Variants in PPP1R21 observed in about 807,000 individuals in gnomAD.
The protein encoded by PPP1R21 is KLRAQ motif containing 1.
PPP1R21 carries 85 observed loss-of-function variants against 112.8 expected under a neutral mutation model. The ratio of observed to expected loss-of-function variants is 0.75; its 90% CI spans 0.63 to 0.90. The LOEUF is 0.90. Ranked by LOEUF, PPP1R21 falls within the 40% of genes least tolerant of loss-of-function variation. The probability of loss-of-function intolerance (pLI) is 0.00; values close to 1 mark genes in which losing one functional copy is unlikely to be tolerated. For missense variants in PPP1R21, 1,199 were observed against 901.5 expected (o/e 1.33, Z -4.23); for synonymous variants, 381 against 322.3 (o/e 1.18, Z -1.95).
In PPP1R21 at chr2:48,464,983, A is replaced by C. The variant is rs1005707301; in HGVS notation, c.741A>C (p.Arg247Ser). Reference protein sequence around the residue: ...NALNVPLHNRRHQLKMRDIAG... With the variant: ...NALNVPLHNRSHQLKMRDIAG... ...TGAACGTTCCACTCCACAATAGGAG[A>C]CACCAGGTAAAGGATGAAGTACATG... The change falls in exon 8 of 22, where the codon AGA becomes AGC. Residue 247 changes from arginine (R) to serine (S), a missense_variant. Arg to Ser is a moderately radical substitution (Grantham distance 110). Transcript: ENST00000294952. 1 of 1,557,736 alleles carries C rather than the reference A, an allele frequency of 6.4e-7. No individual in the cohort carries two copies. The highest frequency in any genetic ancestry group is 2.3e-5 in the Admixed American group (1 of 43,184).
intron 14 of PPP1R21, among the ~76,000 whole-genome samples, chr2:48,489,624 GC>G (rs1322678645): frequency 2.0e-5 from 3 of 152,000 alleles, no homozygotes; most frequent in African/African-American, 7.2e-5. Flanking sequence ...ACAGGCGTGA[GC>G]CACTGCACCT....
chr2:48,514,190 A>G (rs1339170689), intron 21 of PPP1R21, among the ~76,000 whole-genome samples: 1 of 140,172 alleles, frequency 7.1e-6, no homozygotes, highest in Non-Finnish European at 1.5e-5. Context: ...GGTTCATGCC[A>G]TTCTCCTGCC....
At chr2:48,450,761 C>T (rs914656696) in intron 1 of PPP1R21, among the ~76,000 whole-genome samples, 2 of 151,480 alleles carry the variant, frequency 1.3e-5, no homozygotes, top group African/African-American at 4.8e-5. Context: ...ATTTTAGTCC[C>T]ATTTTTGCCA....
intron 9 of PPP1R21, among the ~76,000 whole-genome samples, chr2:48,470,776 G>A (rs1322816455): frequency 2.0e-5 from 3 of 152,130 alleles, no homozygotes; most frequent in Non-Finnish European, 2.9e-5. Flanking sequence ...AGGTTCTAAT[G>A]CAGTATTCGC....
intron 1 of PPP1R21, among the ~76,000 whole-genome samples, chr2:48,450,333 T>A (rs1367244517): frequency 6.6e-6 from 1 of 152,200 alleles, no homozygotes; most frequent in Non-Finnish European, 1.5e-5. Flanking sequence ...AGTACCCACT[T>A]CACAGGATTG....
intron 3 of PPP1R21, among the ~76,000 whole-genome samples, chr2:48,456,966 T>G (rs1358898336): frequency 1.3e-5 from 2 of 151,902 alleles, no homozygotes; most frequent in Non-Finnish European, 2.9e-5. Flanking sequence ...GCAGGAGAAT[T>G]GCTTGAATCC....
At chr2:48,503,937 GGCGAGACTATGTCTCAAAAAAAAAAAAA>G (rs1558520786) in intron 17 of PPP1R21, among the ~76,000 whole-genome samples, 1 of 144,068 alleles carries the variant, frequency 6.9e-6, no homozygotes, top group African/African-American at 2.6e-5. Context: ...TGGGCAAAAG[GGCGAGACTATGTCTCAAAAAAAAAAAAA>G]AAAGTTTTCC....
At position 48,465,068 on chromosome 2, in the gene PPP1R21, G is replaced by C. The variant is rs913132045; in HGVS notation, c.747+79G>C. Reference sequence around the variant, plus strand: ...CAGAAACAAGAATTAGTTGTGTTTGGACCTCTGTTTAGTGCATTCAGTCAT... The same window carrying C: ...CAGAAACAAGAATTAGTTGTGTTTGCACCTCTGTTTAGTGCATTCAGTCAT... On this transcript the variant is annotated intron_variant, in intron 8 of 21. Transcript: ENST00000294952. The C allele has an allele frequency of 1.5e-4, 176 of 1,172,174 alleles. 2 individuals are homozygous for C. Among genetic ancestry groups the C allele is most frequent in the Non-Finnish European group, 4.0e-5 (33 of 821,654 alleles). 72.6% of individuals were successfully genotyped at this position (1,172,174 alleles called of 1,614,324 possible). A position where few individuals can be genotyped will look rare whatever the true frequency, so the allele number is the denominator to read the frequency against.
At chr2:48,455,045 C>T (rs1444821134) in intron 3 of PPP1R21, among the ~76,000 whole-genome samples, 1 of 152,034 alleles carries the variant, frequency 6.6e-6, no homozygotes, top group Non-Finnish European at 1.5e-5. Context: ...ACTATGTTGC[C>T]CAGGCTGGCC....
chr2:48,496,120 A>T (rs1284909452), intron 16 of PPP1R21, among the ~76,000 whole-genome samples: 1 of 152,216 alleles, frequency 6.6e-6, no homozygotes, highest in East Asian at 1.9e-4. Context: ...TTTATTTCTT[A>T]AAGGAGCAAG....
At chr2:48,451,806 A>G (rs563475213) in intron 2 of PPP1R21, among the ~76,000 whole-genome samples, 87 of 152,118 alleles carry the variant, frequency 5.7e-4, no homozygotes, top group African/African-American at 1.9e-3. Context: ...GACAGATGGG[A>G]TTAGGATTCC....
chr2:48,458,781 A>G (rs1667839087), intron 4 of PPP1R21, among the ~76,000 whole-genome samples: 1 of 151,798 alleles, frequency 6.6e-6, no homozygotes, highest in African/African-American at 2.4e-5. Flanking sequence ...CTGCCCCCAA[A>G]CCACTGAGCA....
chr2:48,498,632 A>T lies in PPP1R21; in HGVS notation c.1832A>T (p.Gln611Leu). The T allele has an allele frequency of 1.2e-6, 2 of 1,614,288 alleles. No individual in the cohort carries two copies. Among genetic ancestry groups the T allele is most frequent in the Non-Finnish European group, 1.7e-6 (2 of 1,180,050 alleles). Reference sequence around the variant, plus strand: ...AAGCTGAAGAATACAGGTAGTGCCCAGCTGGTTGGGCTGGCCCAGGAAAAT... The same window carrying T: ...AAGCTGAAGAATACAGGTAGTGCCCTGCTGGTTGGGCTGGCCCAGGAAAAT... Reference protein sequence around the residue: ...ADKLKNTGSAQLVGLAQENAA... With the variant: ...ADKLKNTGSALLVGLAQENAA... The change falls in exon 17 of 22, where the codon CAG becomes CTG. Residue 611 changes from glutamine (Q) to leucine (L), a missense_variant. Transcript: ENST00000294952.
intron 4 of PPP1R21, 27 bp downstream of exon 4, chr2:48,458,254 A>T (rs1034655788): frequency 6.8e-7 from 1 of 1,476,168 alleles, no homozygotes; most frequent in South Asian, 1.1e-5. Context: ...TTCTATGTGA[A>T]TTAAAAAATG....
intron 16 of PPP1R21, 169 bp downstream of exon 16, chr2:48,495,940 A>G (rs959365684): frequency 1.1e-5 from 6 of 559,294 alleles, no homozygotes; most frequent in Middle Eastern, 4.2e-4. Flanking sequence ...GTTGAAAAAC[A>G]TGTGTTGACA....
intron 9 of PPP1R21, among the ~76,000 whole-genome samples, chr2:48,470,354 C>G (rs142232286): frequency 0.019 from 2,831 of 151,948 alleles, 89 homozygotes; most frequent in African/African-American, 0.065. Context: ...CCCGTCTCTA[C>G]TAAAAATACA....
chr2:48,497,562 G>GTGCATAA (rs1669901441), intron 16 of PPP1R21, among the ~76,000 whole-genome samples: 1 of 152,008 alleles, frequency 6.6e-6, no homozygotes, highest in Non-Finnish European at 1.5e-5. Context: ...TATGGTATTA[G>GTGCATAA]GTTGGTGCAA....
chr2:48,444,861 CT>C lies in PPP1R21; in HGVS notation c.57+3866del, dbSNP rs397944972. On this transcript the variant is annotated intron_variant, in intron 1 of 21. Transcript: ENST00000294952. ...AAATAAAGATAATCTTTTTAAAGTT[CT>C]TTTTTTTTTTTTTTGGGACAGTGGA... 8.7e-3 allele frequency among the ~76,000 whole-genome samples: 1,185 copies of C among 136,926 alleles called. 1 individual carries two copies. Among genetic ancestry groups the C allele is most frequent in the African/African-American group, 0.015 (565 of 37,518 alleles). The allele number at this position is 136,926 out of a possible 152,430, so 89.8% of individuals were successfully genotyped here.
At chr2:48,466,930 C>T (rs1474837520) in intron 9 of PPP1R21, among the ~76,000 whole-genome samples, 1 of 152,128 alleles carries the variant, frequency 6.6e-6, no homozygotes, top group African/African-American at 2.4e-5. Context: ...AGACATAGAC[C>T]TTCACTTTGT....
Sources: allele counts gnomAD v4.1 joint callset (sites outside exome capture counted in the v4.1 genomes callset), GRCh38; gene constraint gnomAD v4.1.1; transcripts MANE v1.5; gene names NCBI Gene and HGNC (gene_info 2026-07-23, HGNC 2026-07-21).